The following ATP9A variants were observed in gnomAD, a reference collection of about 807,000 sequenced individuals.
ATP9A encodes probable phospholipid-transporting ATPase IIA.
In ATP9A, 52 loss-of-function variants were observed where a neutral mutation model predicts 144.1. The ratio of observed to expected loss-of-function variants is 0.36; its 90% confidence interval spans 0.29 to 0.45. The LOEUF (loss-of-function observed/expected upper bound fraction) is 0.45. ATP9A is among the 20% of genes least tolerant of loss of function. The pLI, the probability that ATP9A is intolerant of heterozygous loss-of-function variation, is 1.00. For missense variants in ATP9A, 947 were observed against 1,392.7 expected, an observed-to-expected ratio of 0.68 and a Z score of 5.09; for synonymous variants, 582 against 557.4, an observed-to-expected ratio of 1.04 and a Z score of -0.62.
chr20:51,657,117 T>C lies in ATP9A; in HGVS notation c.1327A>G (p.Thr443Ala). 4 of 1,614,096 alleles carry C rather than the reference T, an allele frequency of 2.5e-6. No individual in the cohort carries two copies. The highest frequency in any genetic ancestry group is 3.4e-6 in the Non-Finnish European group (4 of 1,180,014). The change falls in exon 14 of 28, where the codon ACG (threonine) becomes GCG (alanine). Residue 443 changes from threonine to alanine, a missense_variant. By Grantham distance (58) the Thr-to-Ala change is moderately conservative. Around this residue, in one of 2 missense-constraint regions of ATP9A, gnomAD observed 770 missense variants for 1,047.9 expected, o/e 0.73. Coordinates refer to ENST00000338821, the MANE Select transcript of ATP9A (RefSeq NM_006045.3). ...SQDPPAQKGP[T>A]LTTKVRRTMS... ...GTCCGCCGGACCTTAGTGGTGAGCGTTGGGCCCTTCTGAGCCGGTGGGTCC... is the reference window on the plus strand; with the variant it reads ...GTCCGCCGGACCTTAGTGGTGAGCGCTGGGCCCTTCTGAGCCGGTGGGTCC...
chr20:51,689,959 A>C, intron 8 of ATP9A, among the ~76,000 whole-genome samples: 1 of 151,218 alleles, frequency 6.6e-6, no homozygotes. Context: ...AAAAATACAA[A>C]AAATTAGCCA....
intron 1 of ATP9A, among the ~76,000 whole-genome samples, chr20:51,760,364 C>T (rs2077873848): frequency 6.6e-6 from 1 of 151,952 alleles, no homozygotes; most frequent in Admixed American, 6.6e-5. Context: ...GGAACCTAAC[C>T]CCATATTTCC....
intron 3 of ATP9A, among the ~76,000 whole-genome samples, chr20:51,713,913 T>C (rs1484742977): frequency 6.6e-6 from 1 of 152,216 alleles, no homozygotes; most frequent in East Asian, 1.9e-4. Context: ...CTTCAGTTTT[T>C]TGTTTTGTTT....
At chr20:51,616,725 G>A (rs2077204487) in intron 22 of ATP9A, among the ~76,000 whole-genome samples, 1 of 152,062 alleles carries the variant, frequency 6.6e-6, no homozygotes. Flanking sequence ...CGCACAATTG[G>A]CAAGGAGAAA....
rs370444783 is a variant in ATP9A, at chr20:51,618,831, G to A, written c.2206-25C>T. 410 of 1,578,798 alleles carry A rather than the reference G, an allele frequency of 2.6e-4. 4 individuals are homozygous for A. The South Asian group carries it at 4.4e-3, about 17-fold the overall frequency. On this transcript the variant is annotated intron_variant, in intron 20 of 27. Coordinates refer to ENST00000338821, the MANE Select transcript of ATP9A (RefSeq NM_006045.3). ...CCTGCAGGGTGGAGGGAGAGGTGGTGCGTTGGTGGAGGGAGAGGTGGTGCG... is the reference window on the plus strand; with the variant it reads ...CCTGCAGGGTGGAGGGAGAGGTGGTACGTTGGTGGAGGGAGAGGTGGTGCG...
intron 13 of ATP9A, among the ~76,000 whole-genome samples, chr20:51,668,949 A>T (rs1014577831): frequency 6.6e-6 from 1 of 152,232 alleles, no homozygotes; most frequent in Non-Finnish European, 1.5e-5. Context: ...TTCTGCCTTT[A>T]ACCTGTATAC....
chr20:51,673,956 G>C (rs539135829), intron 11 of ATP9A, among the ~76,000 whole-genome samples, 197 bp downstream of exon 11: 1 of 151,282 alleles, frequency 6.6e-6, no homozygotes, highest in Non-Finnish European at 1.5e-5. Flanking sequence ...AGGCTGAGAC[G>C]GGAGAATCAC....
chr20:51,600,274 G>GAGGTCAGA lies in ATP9A; in HGVS notation c.*936_*937insTCTGACCT, dbSNP rs2077136751. 6.6e-6 allele frequency: 1 copy of GAGGTCAGA among 152,188 alleles called. No homozygotes were observed. Among genetic ancestry groups the GAGGTCAGA allele is most frequent in the East Asian group, 1.9e-4 (1 of 5,192 alleles). 9.4% of individuals were successfully genotyped at this position (152,188 alleles called of 1,614,324 possible). A position where few individuals can be genotyped will look rare whatever the true frequency, so the allele number is the denominator to read the frequency against. ...CCAGCCCCCTGACCTTTCCGCTTTG[G>GAGGTCAGA]TCTTGGAGGATCTGAGTCACATCTG... On this transcript the variant is annotated 3_prime_UTR_variant, in exon 28 of 28. Coordinates refer to ENST00000338821, the MANE Select transcript of ATP9A (RefSeq NM_006045.3).
intron 24 of ATP9A, among the ~76,000 whole-genome samples, chr20:51,608,900 T>C (rs1442720355): frequency 2.8e-5 from 4 of 142,514 alleles, no homozygotes. Flanking sequence ...GAGAAAAATA[T>C]AATGGGGTAG....
At chr20:51,660,994 T>A (rs1192299268) in intron 13 of ATP9A, among the ~76,000 whole-genome samples, 2 of 152,178 alleles carry the variant, frequency 1.3e-5, no homozygotes, top group Non-Finnish European at 2.9e-5. Flanking sequence ...AGGTCAGAAG[T>A]GACTTCAGAA....
At chr20:51,626,436 C>A (rs534085597) in intron 17 of ATP9A, among the ~76,000 whole-genome samples, 6 of 150,806 alleles carry the variant, frequency 4.0e-5, no homozygotes, top group Non-Finnish European at 5.9e-5. Context: ...TTGCAGTGAG[C>A]AGAGATCGTG....
At chr20:51,675,986 G>A (rs2077475569) in intron 10 of ATP9A, 146 bp downstream of exon 10, 1 of 568,850 alleles carries the variant, frequency 1.8e-6, no homozygotes, top group South Asian at 2.8e-5. Context: ...TGTATTTATT[G>A]CATACACACA....
chr20:51,631,015 C>T (rs963378453), intron 15 of ATP9A, among the ~76,000 whole-genome samples: 1 of 152,056 alleles, frequency 6.6e-6, no homozygotes, highest in African/African-American at 2.4e-5. Context: ...TGTTCGGCTC[C>T]CCCAAAAACC....
chr20:51,670,559 AC>A, intron 12 of ATP9A, among the ~76,000 whole-genome samples: 1 of 152,028 alleles, frequency 6.6e-6, no homozygotes, highest in East Asian at 1.9e-4. Context: ...CCTTCCAGAA[AC>A]CTCATTTTTC....
chr20:51,719,745 A>C, intron 3 of ATP9A, among the ~76,000 whole-genome samples: 1 of 137,518 alleles, frequency 7.3e-6, no homozygotes, highest in Admixed American at 7.5e-5. Flanking sequence ...AAAAAAAAAA[A>C]GGGGGGGGAA....
rs369870306 is a variant in ATP9A at position 51,696,237 on chromosome 20, G to A, written c.496-93C>T. 2.6e-5 allele frequency: 29 copies of A among 1,118,856 alleles called. No homozygotes were observed. The East Asian group carries it at 3.8e-4, about 15-fold the overall frequency. 69.3% of individuals were successfully genotyped at this position (1,118,856 alleles called of 1,614,324 possible). The stretch of plus-strand genomic sequence containing the variant: ...CTTCCGCCCCCACCCCCAACCCCTC[G>A]GTGGGTTGGGGCAGGGGGGACTGAA... On this transcript the variant is annotated intron_variant, in intron 5 of 27. Transcript: ENST00000338821.
chr20:51,702,377 T>C (rs960079070), intron 4 of ATP9A, among the ~76,000 whole-genome samples: 1 of 149,054 alleles, frequency 6.7e-6, no homozygotes, highest in Non-Finnish European at 1.5e-5. Context: ...TGTGTGTGTG[T>C]GTGTGTGTGT....
In ATP9A at chr20:51,724,239, CT is replaced by C. The variant is rs1179223143; in HGVS notation, c.327+1579del. 1.1e-4 allele frequency among the ~76,000 whole-genome samples: 16 copies of C among 152,318 alleles called. No individual in the cohort carries two copies. In the East Asian group the frequency reaches 2.5e-3, roughly 24 times the overall value. On this transcript the variant is annotated intron_variant, in intron 3 of 27. Coordinates refer to ENST00000338821, the MANE Select transcript of ATP9A (RefSeq NM_006045.3). Reference sequence around the variant, plus strand: ...AACAGAGAATCCAAGCGTTCCCCCCCTGGGTCCCACTTGTTGAGAATATAAA... The same window carrying C: ...AACAGAGAATCCAAGCGTTCCCCCCCGGGTCCCACTTGTTGAGAATATAAA...
intron 1 of ATP9A, among the ~76,000 whole-genome samples, chr20:51,748,103 GACCAGGACTGGC>G (rs2077815994): frequency 6.6e-6 from 1 of 152,088 alleles, no homozygotes; most frequent in African/African-American, 2.4e-5. Flanking sequence ...TTTCTCTCTA[GACCAGGACTGGC>G]AAACTCAAAC....
Sources: gnomAD v4.1 joint callset for allele counts (sites outside exome capture counted in the v4.1 genomes callset) on GRCh38, gnomAD v4.1.1 for gene constraint, gnomAD v4.1.1 regional missense constraint, MANE v1.5 for transcripts, NCBI Gene and HGNC (gene_info 2026-07-23, HGNC 2026-07-21) for gene names.